The following SLC8A1 variants were observed in gnomAD, a reference collection of about 807,000 sequenced individuals.
SLC8A1 encodes sodium/calcium exchanger 1.
SLC8A1 carries 18 observed loss-of-function variants against 68.3 expected under a neutral mutation model. The ratio of observed to expected loss-of-function variants is 0.26; its 90% confidence interval spans 0.18 to 0.39. SLC8A1 has a LOEUF of 0.39. SLC8A1 is among the 10% of genes least tolerant of loss of function. The pLI is 1.00. For missense variants in SLC8A1, 985 were observed against 1,156.7 expected, an observed-to-expected ratio of 0.85 and a Z score of 2.15; for synonymous variants, 475 against 415.5, an observed-to-expected ratio of 1.14 and a Z score of -1.74.
chr2:40,206,976 G>A (rs2055575081), intron 2 of SLC8A1, among the ~76,000 whole-genome samples: 1 of 151,970 alleles, frequency 6.6e-6, no homozygotes, highest in Non-Finnish European at 1.5e-5. Flanking sequence ...ATTCTGAAGG[G>A]AAGAAGTCTT....
intron 2 of SLC8A1, among the ~76,000 whole-genome samples, chr2:40,323,827 C>G (rs1249585864): frequency 6.6e-6 from 1 of 152,012 alleles, no homozygotes. Flanking sequence ...AAAACTCAGT[C>G]TCTTATCAAG....
intron 2 of SLC8A1, among the ~76,000 whole-genome samples, chr2:40,266,264 C>T (rs745680599): frequency 3.3e-5 from 5 of 152,148 alleles, no homozygotes; most frequent in Non-Finnish European, 7.3e-5. Flanking sequence ...TCCTATTCTC[C>T]ATCTTGCCAG....
At chr2:40,443,780 G>T (rs1014537671) in intron 1 of SLC8A1, among the ~76,000 whole-genome samples, 1 of 152,118 alleles carries the variant, frequency 6.6e-6, no homozygotes, top group African/African-American at 2.4e-5. Flanking sequence ...TGTAAAACTG[G>T]GAAATTCTGC....
intron 1 of SLC8A1, among the ~76,000 whole-genome samples, chr2:40,457,171 T>C (rs571690906): frequency 1.7e-3 from 252 of 152,294 alleles, no homozygotes; most frequent in African/African-American, 5.7e-3. Context: ...CTGGGAACTT[T>C]TTCTGTAGGG....
chr2:40,160,062 C>T (rs761311151), intron 6 of SLC8A1, among the ~76,000 whole-genome samples: 6 of 152,076 alleles, frequency 3.9e-5, no homozygotes, highest in Non-Finnish European at 7.4e-5. Context: ...AATCCAAGGA[C>T]GGGGTTGCTT....
At chr2:40,231,799 C>G (rs1418804337) in intron 2 of SLC8A1, among the ~76,000 whole-genome samples, 1 of 152,092 alleles carries the variant, frequency 6.6e-6, no homozygotes, top group Non-Finnish European at 1.5e-5. Context: ...TTACCATCAC[C>G]TATATAAGCA....
intron 2 of SLC8A1, among the ~76,000 whole-genome samples, chr2:40,287,664 G>T (rs927362609): frequency 3.4e-5 from 5 of 149,050 alleles, no homozygotes. Flanking sequence ...TTACCATACT[G>T]GGAGGACAGG....
At chr2:40,417,727 T>A (rs971281011) in intron 2 of SLC8A1, among the ~76,000 whole-genome samples, 1 of 152,186 alleles carries the variant, frequency 6.6e-6, no homozygotes, top group Non-Finnish European at 1.5e-5. Context: ...TTAGTCTTTA[T>A]GTTACCAGCA....
Position 40,293,630 on chromosome 2 carries a change from T to C in SLC8A1, c.1809-115775A>G, listed in dbSNP as rs544186407. ...GCTTTTTAAGAGCAAGGAAAATCAC[T>C]CTATTGATGCTAAGTGAAGGGCAGA... On this transcript the variant is annotated intron_variant, in intron 2 of 7. Coordinates refer to ENST00000406785, the Ensembl canonical transcript of SLC8A1. 2.0e-5 allele frequency among the ~76,000 whole-genome samples: 3 copies of C among 152,242 alleles called. No individual in the cohort carries two copies. The South Asian group carries it at 6.2e-4, about 32-fold the overall frequency.
intron 2 of SLC8A1, among the ~76,000 whole-genome samples, chr2:40,381,023 T>C (rs1279420239): frequency 6.6e-6 from 1 of 152,046 alleles, no homozygotes; most frequent in Non-Finnish European, 1.5e-5. Flanking sequence ...TGAAGAAACT[T>C]AGGATTGGTC....
intron 6 of SLC8A1, among the ~76,000 whole-genome samples, chr2:40,156,149 T>C (rs1260049262): frequency 6.6e-6 from 1 of 152,144 alleles, no homozygotes; most frequent in Non-Finnish European, 1.5e-5. Context: ...ATTGTCAAAA[T>C]CCAACGGGCC....
chr2:40,267,974 G>A (rs992485231), intron 2 of SLC8A1, among the ~76,000 whole-genome samples: 2 of 152,082 alleles, frequency 1.3e-5, no homozygotes, highest in African/African-American at 2.4e-5. Flanking sequence ...CTTATCTCTC[G>A]GACAGTGGGA....
chr2:40,328,320 G>A (rs1304418759), intron 2 of SLC8A1, among the ~76,000 whole-genome samples: 4 of 152,054 alleles, frequency 2.6e-5, no homozygotes, highest in Admixed American at 2.6e-4. Context: ...CTTTGTCCTT[G>A]AAACATCGAC....
intron 1 of SLC8A1, among the ~76,000 whole-genome samples, chr2:40,476,630 T>A (rs1559757360): frequency 6.6e-6 from 1 of 152,178 alleles, no homozygotes; most frequent in South Asian, 2.1e-4. Context: ...TGGAAAATAG[T>A]AATTTCCTGA....
chr2:40,275,224 C>G (rs189947690), intron 2 of SLC8A1, among the ~76,000 whole-genome samples: 1 of 152,066 alleles, frequency 6.6e-6, no homozygotes, highest in Non-Finnish European at 1.5e-5. Context: ...TCTGTATATA[C>G]CTTTGCAGGT....
At chr2:40,277,439 C>T (rs1030652707) in intron 2 of SLC8A1, among the ~76,000 whole-genome samples, 6 of 151,964 alleles carry the variant, frequency 3.9e-5, no homozygotes, top group African/African-American at 1.4e-4. Flanking sequence ...ATTCAGGAGG[C>T]TGAGGCAGGA....
intron 2 of SLC8A1, among the ~76,000 whole-genome samples, chr2:40,315,765 T>C (rs960880877): frequency 6.6e-6 from 1 of 152,050 alleles, no homozygotes; most frequent in Non-Finnish European, 1.5e-5. Context: ...CAGTAACATG[T>C]CCCAGAGATA....
At chr2:40,430,082 G>T (rs1697900280) in exon 2 of SLC8A1, 1 of 1,613,710 alleles carries the variant, frequency 6.2e-7, no homozygotes, top group African/African-American at 1.3e-5. Flanking sequence ...GAAGGGTCTT[G>T]GGGTTCCCAA....
At chr2:40,232,842 T>C (rs1335842661) in intron 2 of SLC8A1, among the ~76,000 whole-genome samples, 4 of 141,950 alleles carry the variant, frequency 2.8e-5, no homozygotes, top group East Asian at 4.0e-4. Flanking sequence ...AGTGAGAATA[T>C]GCGGTGTTTG....
Sources: gnomAD v4.1 joint callset for allele counts (sites outside exome capture counted in the v4.1 genomes callset) on GRCh38, gnomAD v4.1.1 for gene constraint, MANE v1.5 for transcripts, NCBI Gene and HGNC (gene_info 2026-07-23, HGNC 2026-07-21) for gene names.